Variants in ZFHX3 observed in about 807,000 individuals in gnomAD.
ZFHX3 encodes zinc finger homeobox 3, also known as zinc finger homeobox protein 3.
A neutral mutation model predicts 279.1 loss-of-function variants in ZFHX3; 42 were observed. The observed-to-expected ratio is 0.15, with a 90% CI of 0.12 to 0.19. The LOEUF (loss-of-function observed/expected upper bound fraction) is 0.19. ZFHX3 is among the 10% of genes least tolerant of loss of function. ZFHX3 has a pLI of 1.00. For synonymous variants in ZFHX3, 2,293 were observed against 1,957.8 expected (o/e 1.17, Z -4.52); for missense variants, 4,981 against 4,754.0 (o/e 1.05, Z -1.40).
chr16:73,467,521 T>G (rs1041561094), intron 2 of ZFHX3, among the ~76,000 whole-genome samples: 1 of 152,144 alleles, frequency 6.6e-6, no homozygotes, highest in African/African-American at 2.4e-5. Flanking sequence ...ACAATTTACC[T>G]TGAAATACAA....
chr16:73,136,850 A>G (rs563351356), intron 6 of ZFHX3, among the ~76,000 whole-genome samples: 5 of 150,416 alleles, frequency 3.3e-5, no homozygotes, highest in Non-Finnish European at 7.4e-5. Context: ...GACAATGTTT[A>G]TCTAACAGCT....
intron 5 of ZFHX3, among the ~76,000 whole-genome samples, chr16:73,178,467 G>C (rs1045156157): frequency 1.3e-5 from 2 of 151,980 alleles, no homozygotes; most frequent in African/African-American, 2.4e-5. Flanking sequence ...CTTCTCCCCA[G>C]TGCCCCTACC....
chr16:73,694,085 G>A (rs962657191), intron 1 of ZFHX3, among the ~76,000 whole-genome samples: 2 of 151,936 alleles, frequency 1.3e-5, no homozygotes, highest in Non-Finnish European at 2.9e-5. Context: ...CACCTTGGGA[G>A]GCCAAGGCAG....
chr16:73,041,831 C>T (rs1965129410), intron 1 of ZFHX3, among the ~76,000 whole-genome samples: 1 of 152,196 alleles, frequency 6.6e-6, no homozygotes, highest in African/African-American at 2.4e-5. Flanking sequence ...ACATTAAGAA[C>T]CAAGGCCTTG....
At chr16:73,498,211 A>G (rs59130631) in intron 2 of ZFHX3, among the ~76,000 whole-genome samples, 12,334 of 152,298 alleles carry the variant, frequency 0.081, 827 homozygotes, top group Admixed American at 0.24. Flanking sequence ...AAGACCATAG[A>G]TGAAAGATAG....
chr16:73,446,122 G>T (rs1038696843), intron 3 of ZFHX3, among the ~76,000 whole-genome samples: 2 of 152,110 alleles, frequency 1.3e-5, no homozygotes, highest in African/African-American at 4.8e-5. Flanking sequence ...ACAAAGTTAT[G>T]GTCTATTAAG....
chr16:73,371,120 A>G (rs533660429), intron 3 of ZFHX3, among the ~76,000 whole-genome samples: 4 of 151,996 alleles, frequency 2.6e-5, no homozygotes, highest in Admixed American at 2.0e-4. Flanking sequence ...TCAGGAGTTC[A>G]AGACCAGCCT....
chr16:73,121,102 C>T (rs763764463), intron 7 of ZFHX3, among the ~76,000 whole-genome samples: 4 of 152,282 alleles, frequency 2.6e-5, no homozygotes, highest in Middle Eastern at 3.4e-3. Context: ...TTTATTTCAT[C>T]ACAATTAATT....
intron 4 of ZFHX3, among the ~76,000 whole-genome samples, chr16:73,289,508 G>A (rs1391787433): frequency 6.6e-6 from 1 of 152,080 alleles, no homozygotes; most frequent in East Asian, 1.9e-4. Flanking sequence ...ATCTCTAACA[G>A]GAGGGGACGG....
chr16:73,601,445 G>T lies in ZFHX3; in HGVS notation c.-1547+78735C>A, dbSNP rs370046776. ...AGATCACGCCGCTGCACTCCAGCCT[G>T]GGCGACAGACTGAGACTCCATCTCA... On this transcript the variant is annotated intron_variant, in intron 2 of 17. Transcript: ENST00000641206. Among the ~76,000 whole-genome samples the T allele has an allele frequency of 1.6e-3, 236 of 149,702 alleles. 2 individuals are homozygous for T. Among genetic ancestry groups the T allele is most frequent in the African/African-American group, 5.5e-3 (226 of 41,080 alleles).
rs144258050 is a variant in ZFHX3 at position 72,846,740 on chromosome 16, A to G, written c.3449-16881T>C. Reference sequence around the variant, plus strand: ...CTTTCCCTAAACATGCATGTGCAATATATCAGTGCAGATACGGATGTGGCT... The same window carrying G: ...CTTTCCCTAAACATGCATGTGCAATGTATCAGTGCAGATACGGATGTGGCT... On this transcript the variant is annotated intron_variant, in intron 4 of 9. Transcript: ENST00000268489. Among the ~76,000 whole-genome samples the G allele has an allele frequency of 2.4e-4, 37 of 152,346 alleles. No homozygotes were observed. In the East Asian group the frequency reaches 3.5e-3, roughly 14 times the overall value.
intron 1 of ZFHX3, among the ~76,000 whole-genome samples, chr16:73,821,374 G>A (rs1172344435): frequency 2.0e-5 from 3 of 152,180 alleles, no homozygotes; most frequent in African/African-American, 7.2e-5. Context: ...TTCTAAAGGG[G>A]CACTGGAATC....
intron 1 of ZFHX3, among the ~76,000 whole-genome samples, chr16:73,054,059 C>T: frequency 7.2e-6 from 1 of 139,050 alleles, no homozygotes. Context: ...ATCTGGGGGG[C>T]TGGGGGGAGG....
In ZFHX3 at chr16:73,748,146, G is replaced by C. The variant is rs527573055; in HGVS notation, c.-1607-67906C>G. ...ATCTAACATTTTGAAATTTCACGGG[G>C]ATTTTTCATCAATGAAATGGAAAAA... On this transcript the variant is annotated intron_variant, in intron 1 of 17. Transcript: ENST00000641206. Among the ~76,000 whole-genome samples, 18 of 152,170 alleles carry C rather than the reference G, an allele frequency of 1.2e-4. No homozygotes were observed. In the South Asian group the frequency reaches 3.7e-3, roughly 32 times the overall value.
chr16:73,368,939 G>C (rs1215897005), intron 3 of ZFHX3, among the ~76,000 whole-genome samples: 3 of 152,166 alleles, frequency 2.0e-5, no homozygotes, highest in African/African-American at 2.4e-5. Flanking sequence ...GCTGAGATTG[G>C]AATCTGGGAA....
At chr16:73,486,879 C>G (rs971617232) in intron 2 of ZFHX3, 7 of 455,730 alleles carry the variant, frequency 1.5e-5, no homozygotes, top group African/African-American at 1.2e-4. Flanking sequence ...CACTTCAACT[C>G]TTGCAAGAAA....
chr16:73,345,510 C>T lies in ZFHX3; in HGVS notation c.-1290-27174G>A, dbSNP rs534732915. ...TGCAGTGTTTCTTTTTCTGTTCCTGCGTTAGTTTGCTGAGGATAATGGCTT... is the reference window on the plus strand; with the variant it reads ...TGCAGTGTTTCTTTTTCTGTTCCTGTGTTAGTTTGCTGAGGATAATGGCTT... On this transcript the variant is annotated intron_variant, in intron 3 of 17. Transcript: ENST00000641206. Among the ~76,000 whole-genome samples, 14 of 151,138 alleles carry T rather than the reference C, an allele frequency of 9.3e-5. No individual in the cohort carries two copies. In the South Asian group the frequency reaches 2.5e-3, roughly 27 times the overall value.
At chr16:72,917,941 A>T (rs905600468) in intron 3 of ZFHX3, among the ~76,000 whole-genome samples, 2 of 152,256 alleles carry the variant, frequency 1.3e-5, no homozygotes, top group African/African-American at 4.8e-5. Context: ...GCAGCCAGCT[A>T]GCCCACTGAG....
At chr16:73,453,539 C>A (rs2018316144) in intron 3 of ZFHX3, among the ~76,000 whole-genome samples, 1 of 152,212 alleles carries the variant, frequency 6.6e-6, no homozygotes. Context: ...CACTAGCCAC[C>A]TTCAGCTGTT....
Sources: allele counts gnomAD v4.1 joint callset (sites outside exome capture counted in the v4.1 genomes callset), GRCh38; gene constraint gnomAD v4.1.1; transcripts MANE v1.5; gene names NCBI Gene and HGNC (gene_info 2026-07-23, HGNC 2026-07-21).